The following LUZP1 variants were observed in gnomAD, a reference collection of about 807,000 sequenced individuals.
LUZP1 encodes filamin mechanobinding actin cross-linking protein.
LUZP1 carries 25 observed loss-of-function variants against 71.3 expected under a neutral mutation model. That is an observed-to-expected ratio of 0.35 (90% CI 0.26 to 0.49). The LOEUF is 0.49. Ranked by LOEUF, LUZP1 falls within the 20% of genes least tolerant of loss-of-function variation. The pLI, the probability that LUZP1 is intolerant of heterozygous loss-of-function variation, is 0.99. For missense variants in LUZP1, 1,142 were observed against 1,300.8 expected (o/e 0.88, Z 1.88); for synonymous variants, 481 against 506.4 (o/e 0.95, Z 0.67).
At chr1:23,112,033 A>T (rs1644039127) in intron 2 of LUZP1, among the ~76,000 whole-genome samples, 4 of 152,160 alleles carry the variant, frequency 2.6e-5, no homozygotes, top group Admixed American at 2.6e-4. Flanking sequence ...TTTCTCTTCA[A>T]AACAAGACAG....
chr1:23,177,883 G>A (rs1644592786), upstream of LUZP1: 1 of 152,426 alleles, frequency 6.6e-6, no homozygotes, highest in Admixed American at 6.5e-5. Flanking sequence ...AGGAGGGACG[G>A]CGCTGAGGGG....
At chr1:23,087,344 C>T (rs1643781216) in exon 5 of LUZP1, 1 of 152,164 alleles carries the variant, frequency 6.6e-6, no homozygotes, top group Non-Finnish European at 1.5e-5. Flanking sequence ...ATACCTTCCA[C>T]AAGCAAAAAT....
chr1:23,154,828 C>A (rs1644410346), intron 2 of LUZP1, among the ~76,000 whole-genome samples: 1 of 150,318 alleles, frequency 6.7e-6, no homozygotes, highest in Admixed American at 6.7e-5. Flanking sequence ...TGCTGGGATT[C>A]TTTCCTTTAT....
chr1:23,089,162 T>C (rs772492455), intron 4 of LUZP1, 109 bp from the exon 4 acceptor site: 5 of 1,009,416 alleles, frequency 5.0e-6, no homozygotes, highest in East Asian at 2.4e-5. Flanking sequence ...GAGGCAGATA[T>C]AGCCCAGACA....
intron 2 of LUZP1, among the ~76,000 whole-genome samples, chr1:23,129,059 A>G (rs2124681849): frequency 6.6e-6 from 1 of 152,364 alleles, no homozygotes; most frequent in Admixed American, 6.5e-5. Flanking sequence ...CACAAAGTGC[A>G]TTTATCGATG....
intron 3 of LUZP1, among the ~76,000 whole-genome samples, chr1:23,103,895 G>GGAGA (rs1237634813): frequency 1.7e-4 from 2 of 11,592 alleles, no homozygotes; most frequent in African/African-American, 5.7e-4. Flanking sequence ...AGGGAGAGAG[G>GGAGA]GAGGGAGGGG....
intron 2 of LUZP1, among the ~76,000 whole-genome samples, chr1:23,126,341 G>A (rs1002037565): frequency 5.3e-5 from 8 of 152,138 alleles, no homozygotes; most frequent in Admixed American, 1.3e-4. Context: ...AAGCAAGGCC[G>A]GGTGCAGAGG....
At chr1:23,157,887 T>C (rs1386297658) in intron 2 of LUZP1, among the ~76,000 whole-genome samples, 1 of 149,548 alleles carries the variant, frequency 6.7e-6, no homozygotes, top group African/African-American at 2.5e-5. Flanking sequence ...TGGCATGCAC[T>C]AGTAGCCCTA....
At chr1:23,173,157 T>C (rs1644562123) in intron 1 of LUZP1, among the ~76,000 whole-genome samples, 1 of 151,414 alleles carries the variant, frequency 6.6e-6, no homozygotes, top group African/African-American at 2.4e-5. Flanking sequence ...CTCAGGAGGC[T>C]GAGGAGGGAG....
Position 23,163,171 on chromosome 1 carries a change from T to G in LUZP1, c.-226+5595A>C, listed in dbSNP as rs1386459399. ...AGAAGAATCGTTTGAACCCGGGAGG[T>G]GGAAGTTGCAATGAGCCGAGATCAC... On this transcript the variant is annotated intron_variant, in intron 2 of 4. Coordinates refer to ENST00000302291, the Ensembl canonical transcript of LUZP1. Among the ~76,000 whole-genome samples, 21 of 111,886 alleles carry G rather than the reference T, an allele frequency of 1.9e-4. 1 individual carries two copies. Among genetic ancestry groups the G allele is most frequent in the Non-Finnish European group, 3.6e-4 (20 of 55,432 alleles). 73.4% of individuals were successfully genotyped at this position (111,886 alleles called of 152,430 possible).
intron 2 of LUZP1, among the ~76,000 whole-genome samples, chr1:23,157,843 C>CAA (rs200283716): frequency 3.6e-4 from 46 of 128,728 alleles, no homozygotes; most frequent in East Asian, 2.9e-3. Flanking sequence ...CTTGCCCCTA[C>CAA]CAAAAAAAAA....
chr1:23,119,785 GCCTATACTT>G (rs2124663699), intron 2 of LUZP1, among the ~76,000 whole-genome samples: 1 of 152,210 alleles, frequency 6.6e-6, no homozygotes, highest in South Asian at 2.1e-4. Flanking sequence ...AATTATAAGT[GCCTATACTT>G]ACGAAGACTC....
At chr1:23,097,228 C>T (rs1002098972) in intron 3 of LUZP1, among the ~76,000 whole-genome samples, 28 of 152,130 alleles carry the variant, frequency 1.8e-4, no homozygotes, top group African/African-American at 6.3e-4. Context: ...CTGGGGGTTA[C>T]GTTTCAACAC....
chr1:23,147,334 G>A (rs570763541), intron 2 of LUZP1, among the ~76,000 whole-genome samples: 20 of 150,776 alleles, frequency 1.3e-4, no homozygotes, highest in Admixed American at 5.9e-4. Flanking sequence ...CCAGCTACTC[G>A]GGAGGCTGAG....
intron 2 of LUZP1, among the ~76,000 whole-genome samples, chr1:23,113,844 C>T (rs1050920697): frequency 2.0e-5 from 3 of 150,330 alleles, no homozygotes; most frequent in African/African-American, 7.4e-5. Flanking sequence ...TCAGCTACTG[C>T]ACTCCAGCCT....
rs57231452 is a variant in LUZP1, at chr1:23,163,555, TA to T, written c.-226+5210del. Among the ~76,000 whole-genome samples the T allele has an allele frequency of 7.5e-3, 890 of 119,148 alleles. 3 individuals carry two copies. The highest frequency in any genetic ancestry group is 0.019 in the African/African-American group (597 of 31,038). The allele number at this position is 119,148 out of a possible 152,430, so 78.2% of individuals were successfully genotyped here. ...AGAGAAAGAGTGAGATCCCGTCTCT[TA>T]AAAAAAAAAAAAAAAAAAATGCTGA... On this transcript the variant is annotated intron_variant, in intron 2 of 4. Transcript: ENST00000302291.
At chr1:23,171,851 G>A (rs1428009392) in intron 1 of LUZP1, among the ~76,000 whole-genome samples, 1 of 152,168 alleles carries the variant, frequency 6.6e-6, no homozygotes, top group East Asian at 1.9e-4. Flanking sequence ...AAGAACCCAG[G>A]ACATATAAGG....
chr1:23,148,912 T>G (rs972642828), intron 2 of LUZP1, among the ~76,000 whole-genome samples: 16 of 151,336 alleles, frequency 1.1e-4, no homozygotes, highest in African/African-American at 3.9e-4. Flanking sequence ...CAGACCAATC[T>G]CTACCAAAAA....
chr1:23,107,401 G>A (rs930534259), intron 3 of LUZP1, among the ~76,000 whole-genome samples: 22 of 152,038 alleles, frequency 1.4e-4, no homozygotes, highest in African/African-American at 5.3e-4. Context: ...TTTCTATTTT[G>A]TTTAATGCAG....
Sources: gnomAD v4.1 joint callset for allele counts (sites outside exome capture counted in the v4.1 genomes callset) on GRCh38, gnomAD v4.1.1 for gene constraint, MANE v1.5 for transcripts, NCBI Gene and HGNC (gene_info 2026-07-23, HGNC 2026-07-21) for gene names.